HOXC6: variants seen among roughly 807,000 people sequenced by gnomAD.
The protein encoded by HOXC6 is homeobox protein Hox-C6.
HOXC6 carries 10 observed loss-of-function variants against 24.0 expected under a neutral mutation model. The observed-to-expected ratio is 0.42, with a 90% confidence interval of 0.26 to 0.71. The LOEUF (loss-of-function observed/expected upper bound fraction) is 0.71. Ranked by LOEUF, HOXC6 falls within the 30% of genes least tolerant of loss-of-function variation. The pLI, the probability that HOXC6 is intolerant of heterozygous loss-of-function variation, is 0.28. For synonymous variants in HOXC6, 123 were observed against 128.1 expected (o/e 0.96, Z 0.27); for missense variants, 258 against 303.4 (o/e 0.85, Z 1.11).
upstream of HOXC6, among the ~76,000 whole-genome samples, chr12:54,025,530 G>GC (rs1940655745): frequency 2.4e-5 from 1 of 42,046 alleles, no homozygotes; most frequent in Admixed American, 1.7e-4. Context: ...AGGTAATTGG[G>GC]GGGGGGGGAG....
rs374677327 is a variant in HOXC6, at chr12:54,022,321, A to G, written c.-193+4907A>G. 49 of 152,322 alleles carry G rather than the reference A, an allele frequency of 3.2e-4. No homozygotes were observed. The East Asian group carries it at 8.7e-3, about 27-fold the overall frequency. 9.4% of individuals were successfully genotyped at this position (152,322 alleles called of 1,614,324 possible). A position where few individuals can be genotyped will look rare whatever the true frequency, so the allele number is the denominator to read the frequency against. On this transcript the variant is annotated intron_variant, in intron 1 of 2. Coordinates refer to the HOXC6 transcript ENST00000394331. The stretch of plus-strand genomic sequence containing the variant: ...CCTCTCCTCAGCCCCCCAAAATTGC[A>G]GTGAATTTAAGCAAATCCTACAAAA...
intron 1 of HOXC6, among the ~76,000 whole-genome samples, chr12:54,017,659 G>T (rs1565733978): frequency 6.6e-6 from 1 of 151,986 alleles, no homozygotes; most frequent in Non-Finnish European, 1.5e-5. Flanking sequence ...GGGTGGGGAG[G>T]CAAGGGAACA....
chr12:54,022,933 A>G (rs779731280), intron 1 of HOXC6, among the ~76,000 whole-genome samples: 13 of 152,166 alleles, frequency 8.5e-5, no homozygotes, highest in Non-Finnish European at 1.3e-4. Flanking sequence ...CACACCCCCT[A>G]TTGCGGCTTC....
upstream of HOXC6, among the ~76,000 whole-genome samples, chr12:54,026,215 G>A (rs1940691185): frequency 6.6e-6 from 1 of 152,118 alleles, no homozygotes; most frequent in Non-Finnish European, 1.5e-5. Flanking sequence ...CTCTGAGAGA[G>A]GCTACTTGTG....
At chr12:54,021,292 T>C (rs1377382693) in intron 1 of HOXC6, 1 of 152,212 alleles carries the variant, frequency 6.6e-6, no homozygotes, top group African/African-American at 2.4e-5. Flanking sequence ...ATCTGGTTAC[T>C]GGATGAACTG....
upstream of HOXC6, among the ~76,000 whole-genome samples, chr12:54,026,942 C>G (rs1013931068): frequency 2.1e-5 from 3 of 140,020 alleles, no homozygotes; most frequent in African/African-American, 8.6e-5. Context: ...GCTTTCCCCC[C>G]CCCCAACCCA....
chr12:54,029,013 T>C, intron 1 of HOXC6, 92 bp downstream of exon 1: 1 of 1,268,234 alleles, frequency 7.9e-7, no homozygotes, highest in East Asian at 2.4e-5. Context: ...GAGTTTTTTA[T>C]GGCCCCATAA....
chr12:54,030,162 T>G lies in HOXC6; in HGVS notation c.*200T>G. 7 of 506,694 alleles carry G rather than the reference T, an allele frequency of 1.4e-5. No homozygotes were observed. In the South Asian group the frequency reaches 2.4e-4, roughly 17 times the overall value. 31.4% of individuals were successfully genotyped at this position (506,694 alleles called of 1,614,324 possible). On this transcript the variant is annotated 3_prime_UTR_variant, in exon 2 of 2. Coordinates refer to ENST00000243108, the MANE Select transcript of HOXC6 (RefSeq NM_004503.4). ...GCACAACTCTCTTTCACCACGCGCC[T>G]CCTCCTCCTCGCTCCCTTGCTAGCT...
In HOXC6 at chr12:54,030,118, C is replaced by G. The variant is rs939068866; in HGVS notation, c.*156C>G. ...TCAAACGTGGACCTGAAAGTCAGCT[C>G]TGGACCCCCTCCCTCACCGCACAAC... On this transcript the variant is annotated 3_prime_UTR_variant, in exon 2 of 2. Transcript: ENST00000243108. The G allele has an allele frequency of 1.5e-5, 10 of 689,610 alleles. No homozygotes were observed. In the Admixed American group the frequency reaches 2.4e-4, roughly 17 times the overall value. The allele number at this position is 689,610 out of a possible 1,614,324, so 42.7% of individuals were successfully genotyped here. A position where few individuals can be genotyped will look rare whatever the true frequency, so the allele number is the denominator to read the frequency against.
chr12:54,027,694 G>GA (rs1331077394), upstream of HOXC6, among the ~76,000 whole-genome samples: 1 of 152,002 alleles, frequency 6.6e-6, no homozygotes, highest in Non-Finnish European at 1.5e-5. Flanking sequence ...TTTCCCAACA[G>GA]AGGGGTCCTG....
upstream of HOXC6, among the ~76,000 whole-genome samples, chr12:54,027,025 C>A (rs1405748064): frequency 6.6e-6 from 1 of 151,122 alleles, no homozygotes; most frequent in East Asian, 2.0e-4. Flanking sequence ...CCTTCTTTGT[C>A]AACTCAAGGC....
chr12:54,027,340 G>GGTGCCA (rs1264361803), upstream of HOXC6, among the ~76,000 whole-genome samples: 1 of 152,196 alleles, frequency 6.6e-6, no homozygotes, highest in African/African-American at 2.4e-5. Context: ...CTCCACTGGC[G>GGTGCCA]GTGCCCTGAG....
At chr12:54,018,543 G>A (rs1392001763) in intron 1 of HOXC6, among the ~76,000 whole-genome samples, 2 of 152,232 alleles carry the variant, frequency 1.3e-5, no homozygotes, top group African/African-American at 4.8e-5. Context: ...ATGGCCTGTT[G>A]TATAGTCTTA....
At position 54,029,403 on chromosome 12, in the gene HOXC6, GC is replaced by G. The variant is rs1234645036; in HGVS notation, c.401-245del. ...CAGCTTTCTGTTTGCCTTTTGCCCC[GC>G]CCCCCCGCCCCCCCCCCCACCACAC... On this transcript the variant is annotated intron_variant, in intron 1 of 1. Coordinates refer to ENST00000243108, the MANE Select transcript of HOXC6 (RefSeq NM_004503.4). 3.9e-4 allele frequency among the ~76,000 whole-genome samples: 23 copies of G among 58,862 alleles called. 1 individual carries two copies. The highest frequency in any genetic ancestry group is 1.1e-3 in the African/African-American group (17 of 15,754). The allele number at this position is 58,862 out of a possible 152,430, so 38.6% of individuals were successfully genotyped here. A position where few individuals can be genotyped will look rare whatever the true frequency, so the allele number is the denominator to read the frequency against.
At chr12:54,018,833 C>T (rs1401223677) in intron 1 of HOXC6, among the ~76,000 whole-genome samples, 1 of 152,166 alleles carries the variant, frequency 6.6e-6, no homozygotes, top group Non-Finnish European at 1.5e-5. Context: ...AGCCAAGACA[C>T]CCCCTCTACC....
At chr12:54,022,037 C>T (rs994875000) in intron 1 of HOXC6, 1 of 152,190 alleles carries the variant, frequency 6.6e-6, no homozygotes, top group Non-Finnish European at 1.5e-5. Flanking sequence ...CACCATAAAC[C>T]TCTGGGTGTC....
chr12:54,026,938 C>T (rs1940732373), upstream of HOXC6, among the ~76,000 whole-genome samples: 1 of 140,156 alleles, frequency 7.1e-6, no homozygotes, highest in Admixed American at 7.1e-5. Context: ...GCCAGCTTTC[C>T]CCCCCCCCAA....
At chr12:54,018,445 G>A (rs1258649651) in intron 1 of HOXC6, among the ~76,000 whole-genome samples, 1 of 152,220 alleles carries the variant, frequency 6.6e-6, no homozygotes, top group Non-Finnish European at 1.5e-5. Flanking sequence ...TGAGGATTCC[G>A]GGGGCTGCTG....
At chr12:54,021,832 C>A (rs890177707) in intron 1 of HOXC6, 2 of 152,368 alleles carry the variant, frequency 1.3e-5, no homozygotes, top group African/African-American at 4.8e-5. Flanking sequence ...TCTGCTGCCA[C>A]CCTGCGTCAG....
Sources: allele counts gnomAD v4.1 joint callset (sites outside exome capture counted in the v4.1 genomes callset), GRCh38; gene constraint gnomAD v4.1.1; transcripts MANE v1.5; gene names NCBI Gene and HGNC (gene_info 2026-07-23, HGNC 2026-07-21).